The following TAMM41 variants were observed in gnomAD, a reference collection of about 807,000 sequenced individuals.
TAMM41 encodes TAM41 mitochondrial translocator assembly and maintenance homolog.
A neutral mutation model predicts 44.1 loss-of-function variants in TAMM41; 36 were observed. That is an observed-to-expected ratio of 0.82 (90% CI 0.63 to 1.08). TAMM41 has a LOEUF of 1.08. Ranked by LOEUF, TAMM41 falls within the 50% of genes least tolerant of loss-of-function variation. The pLI, the probability that TAMM41 is intolerant of heterozygous loss-of-function variation, is 0.00. For synonymous variants in TAMM41, 164 were observed against 153.1 expected (o/e 1.07, Z -0.53); for missense variants, 417 against 404.3 (o/e 1.03, Z -0.27).
At chr3:11,784,796 CTTT>C in the TAMM41 span, among the ~76,000 whole-genome samples, 64 of 109,006 alleles carry the variant, frequency 5.9e-4, 1 homozygote, top group East Asian at 5.3e-3. Context: ...CTTTTCTTTT[CTTT>C]TTTTTTTTTT....
At chr3:11,809,356 G>A in intron 6 of TAMM41, 161 bp downstream of exon 6, 4 of 721,902 alleles carry the variant, frequency 5.5e-6, no homozygotes, top group Non-Finnish European at 9.0e-6. Flanking sequence ...AAATAAAAAT[G>A]CAGATTTAGA....
chr3:11,799,208 G>T (rs191169633), intron 7 of TAMM41, among the ~76,000 whole-genome samples: 1 of 151,750 alleles, frequency 6.6e-6, no homozygotes, highest in East Asian at 1.9e-4. Context: ...AAAAACAAAC[G>T]TAAAATACAC....
the TAMM41 span, among the ~76,000 whole-genome samples, chr3:11,767,795 T>C: frequency 1.3e-5 from 2 of 151,106 alleles, no homozygotes; most frequent in Non-Finnish European, 3.0e-5. Flanking sequence ...CTGGCTAATT[T>C]TTGAATTTTA....
rs541719727 is a variant in TAMM41 at position 11,818,811 on chromosome 3, T to C, written c.563-1474A>G. Among the ~76,000 whole-genome samples the C allele has an allele frequency of 2.6e-3, 386 of 147,344 alleles. 2 individuals are homozygous for C. Among genetic ancestry groups the C allele is most frequent in the African/African-American group, 9.4e-3 (371 of 39,464 alleles). On this transcript the variant is annotated intron_variant, in intron 4 of 7. Coordinates refer to ENST00000455809, the MANE Select transcript of TAMM41 (RefSeq NM_001284401.2). ...TACTTGGGGGGGGGCCGCAGGAGAA[T>C]GGCGTGAACCCAGGAGGCAGAGCTT...
At chr3:11,767,620 T>C in the TAMM41 span, among the ~76,000 whole-genome samples, 2 of 128,986 alleles carry the variant, frequency 1.6e-5, no homozygotes, top group Non-Finnish European at 3.2e-5. Flanking sequence ...TGTCAACACG[T>C]TGTGCATTTT....
At chr3:11,845,372 G>A (rs2079636459) in intron 1 of TAMM41, among the ~76,000 whole-genome samples, 1 of 152,078 alleles carries the variant, frequency 6.6e-6, no homozygotes. Flanking sequence ...GAATGGGAAG[G>A]AAGGACCTTT....
chr3:11,828,994 A>G (rs2078872502), intron 4 of TAMM41, among the ~76,000 whole-genome samples: 1 of 152,166 alleles, frequency 6.6e-6, no homozygotes, highest in Non-Finnish European at 1.5e-5. Flanking sequence ...GAAATCTTAA[A>G]CGGAACCTTA....
At chr3:11,841,972 T>A (rs953340138) in intron 2 of TAMM41, among the ~76,000 whole-genome samples, 1 of 152,168 alleles carries the variant, frequency 6.6e-6, no homozygotes, top group Non-Finnish European at 1.5e-5. Context: ...TATGCAGACG[T>A]CACCAGTCAA....
the TAMM41 span, among the ~76,000 whole-genome samples, chr3:11,781,527 G>A: frequency 0.018 from 2,745 of 152,118 alleles, 88 homozygotes; most frequent in African/African-American, 0.061. Flanking sequence ...CTGAGGTCAG[G>A]AGTTCGAGAG....
rs57342766 is a variant in TAMM41 at position 11,827,556 on chromosome 3, G to T, written c.562+2158C>A. The stretch of plus-strand genomic sequence containing the variant: ...ACTCCTGACCTCAAGTGATCTGCCT[G>T]CCTTGGCCTCTCAAATTGCTGGGAT... On this transcript the variant is annotated intron_variant, in intron 4 of 7. Transcript: ENST00000455809. Among the ~76,000 whole-genome samples, 533 of 148,516 alleles carry T rather than the reference G, an allele frequency of 3.6e-3. 3 individuals carry two copies. Among genetic ancestry groups the T allele is most frequent in the African/African-American group, 0.013 (515 of 40,160 alleles).
At chr3:11,766,289 C>G in the TAMM41 span, among the ~76,000 whole-genome samples, 2 of 152,000 alleles carry the variant, frequency 1.3e-5, no homozygotes, top group Admixed American at 1.3e-4. Flanking sequence ...CTCAGACTCC[C>G]AGGTAGCTGG....
At position 11,809,693 on chromosome 3, in the gene TAMM41, G is replaced by A. The variant is rs551965227; in HGVS notation, c.709-11C>T. The A allele has an allele frequency of 5.1e-6, 8 of 1,583,494 alleles. No homozygotes were observed. In the Admixed American group the frequency reaches 1.0e-4, roughly 20 times the overall value. On this transcript the variant is annotated splice_polypyrimidine_tract_variant and intron_variant, in intron 5 of 7. Coordinates refer to ENST00000455809, the MANE Select transcript of TAMM41 (RefSeq NM_001284401.2). Reference sequence around the variant, plus strand: ...TGGGCTTTTATCTATCTGAAGGGAGGAAAAAAAAGACGACGTCTATGGAAG... The same window carrying A: ...TGGGCTTTTATCTATCTGAAGGGAGAAAAAAAAAGACGACGTCTATGGAAG...
the TAMM41 span, among the ~76,000 whole-genome samples, chr3:11,768,360 A>T: frequency 1.3e-5 from 2 of 151,018 alleles, no homozygotes; most frequent in Non-Finnish European, 1.5e-5. Flanking sequence ...CTGGTCTCAA[A>T]CTCCTGGGTT....
chr3:11,740,578 A>G, the TAMM41 span, among the ~76,000 whole-genome samples: 4 of 151,934 alleles, frequency 2.6e-5, no homozygotes, highest in African/African-American at 9.7e-5. Context: ...TTAGATTGGT[A>G]ATTTCTTTTT....
At chr3:11,806,751 G>A (rs549801881) in intron 7 of TAMM41, among the ~76,000 whole-genome samples, 7 of 152,092 alleles carry the variant, frequency 4.6e-5, no homozygotes, top group African/African-American at 1.4e-4. Context: ...ATGAATTCCC[G>A]GTAAAACAGA....
intron 7 of TAMM41, among the ~76,000 whole-genome samples, chr3:11,799,581 C>T (rs1025103621): frequency 6.6e-6 from 1 of 152,212 alleles, no homozygotes; most frequent in Non-Finnish European, 1.5e-5. Flanking sequence ...CATTCTGTCA[C>T]TCTGGACTTC....
the TAMM41 span, among the ~76,000 whole-genome samples, chr3:11,745,491 A>G: frequency 5.0e-3 from 759 of 152,358 alleles, 5 homozygotes; most frequent in African/African-American, 0.017. Context: ...ATATTATTCT[A>G]TCTTAAAAAG....
At chr3:11,806,918 A>G (rs903063857) in intron 7 of TAMM41, among the ~76,000 whole-genome samples, 1 of 152,124 alleles carries the variant, frequency 6.6e-6, no homozygotes, top group Non-Finnish European at 1.5e-5. Flanking sequence ...TAGAAGTAAA[A>G]GATAAATGCA....
the TAMM41 span, among the ~76,000 whole-genome samples, chr3:11,753,462 C>T: frequency 2.6e-5 from 4 of 151,674 alleles, no homozygotes; most frequent in South Asian, 2.1e-4. Flanking sequence ...CAGTGGCTCA[C>T]GCCTGTAATC....
Sources: allele counts gnomAD v4.1 joint callset (sites outside exome capture counted in the v4.1 genomes callset), GRCh38; gene constraint gnomAD v4.1.1; transcripts MANE v1.5; gene names NCBI Gene and HGNC (gene_info 2026-07-23, HGNC 2026-07-21).